PTGS1: variants seen among roughly 807,000 people sequenced by gnomAD.
PTGS1 encodes prostaglandin G/H synthase 1.
Under a neutral mutation model 63.0 loss-of-function variants are expected in PTGS1, and 40 were observed. The ratio of observed to expected loss-of-function variants is 0.63; its 90% CI spans 0.49 to 0.83. The LOEUF is 0.83. Among genes scored for constraint, PTGS1 ranks in the 40% least tolerant of loss-of-function variants. The pLI, the probability that PTGS1 is intolerant of heterozygous loss-of-function variation, is 0.00. For missense variants in PTGS1, 709 were observed against 786.5 expected (o/e 0.90, Z 1.18); for synonymous variants, 298 against 301.9 (o/e 0.99, Z 0.13).
At chr9:122,384,638 A>G (rs1837762253) in intron 8 of PTGS1, among the ~76,000 whole-genome samples, 1 of 152,146 alleles carries the variant, frequency 6.6e-6, no homozygotes, top group African/African-American at 2.4e-5. Flanking sequence ...CCCTGTGAAA[A>G]TCAAGATTCA....
chr9:122,380,577 A>G (rs183908308), intron 5 of PTGS1, among the ~76,000 whole-genome samples: 1 of 152,332 alleles, frequency 6.6e-6, no homozygotes, highest in African/African-American at 2.4e-5. Context: ...ATAAAGTTTT[A>G]TTGGAACACA....
At chr9:122,376,344 TTGTGTG>T (rs57350981) in intron 2 of PTGS1, among the ~76,000 whole-genome samples, 2,322 of 127,014 alleles carry the variant, frequency 0.018, 27 homozygotes, top group Middle Eastern at 0.024. Flanking sequence ...TGGTCCTTGC[TTGTGTG>T]TGTGTGTGTG....
rs1564133596 is a variant in PTGS1, at chr9:122,378,451, T to A, written c.230T>A (p.Leu77His). Residue 77 changes from leucine (L) to histidine (H), a missense_variant, in exon 4 of 11, where the codon CTC (leucine) becomes CAC (histidine). Transcript: ENST00000362012. ...CCTGCAGCTGGCCTGTGGACCTGGC[T>A]CCGGAATTCACTGCGGCCCAGCCCC... is the stretch of plus-strand genomic sequence containing the variant. ...NCTIPGLWTW[L>H]RNSLRPSPSF... 1 of 1,614,052 alleles carries A rather than the reference T, an allele frequency of 6.2e-7. No individual in the cohort carries two copies.
intron 2 of PTGS1, 87 bp downstream of exon 2, chr9:122,371,359 C>G: frequency 6.3e-7 from 1 of 1,576,654 alleles, no homozygotes; most frequent in East Asian, 2.3e-5. Context: ...TCCAGCGGGC[C>G]CAGCTTCCCC....
chr9:122,391,358 CAT>C (rs5900521), intron 10 of PTGS1, among the ~76,000 whole-genome samples: 33,916 of 103,808 alleles, frequency 0.33, 5,356 homozygotes, highest in African/African-American at 0.52. Context: ...TATATATATA[CAT>C]ATATATATAT....
intron 2 of PTGS1, among the ~76,000 whole-genome samples, chr9:122,374,435 C>A (rs946021028): frequency 6.6e-6 from 1 of 152,142 alleles, no homozygotes; most frequent in Non-Finnish European, 1.5e-5. Context: ...GAATGCACAG[C>A]CAGTAAGAGC....
Position 122,386,519 on chromosome 9 carries a change from C to A in PTGS1, c.1083C>A (p.Asp361Glu), listed in dbSNP as rs199941262. 1 of 1,614,174 alleles carries A rather than the reference C, an allele frequency of 6.2e-7. No individual in the cohort carries two copies. ...LSGYFLQLKFDPELLFGVQFQ... is the reference protein window; with the variant it reads ...LSGYFLQLKFEPELLFGVQFQ... Reference sequence around the variant, plus strand: ...GCTATTTCCTGCAGCTGAAATTTGACCCAGAGCTGCTGTTCGGTGTCCAGT... The same window carrying A: ...GCTATTTCCTGCAGCTGAAATTTGAACCAGAGCTGCTGTTCGGTGTCCAGT... Residue 361 changes from aspartate to glutamate, a missense_variant, in exon 9 of 11, where the codon GAC (aspartate) becomes GAA (glutamate). By Grantham distance (45) the Asp-to-Glu change is conservative. Transcript: ENST00000362012.
chr9:122,386,695 C>A lies in PTGS1; in HGVS notation c.1259C>A (p.Ala420Asp), dbSNP rs1477059027. The A allele has an allele frequency of 6.2e-7, 1 of 1,614,204 alleles. No homozygotes were observed. Among genetic ancestry groups the A allele is most frequent in the Admixed American group, 1.7e-5 (1 of 60,022 alleles). The change falls in exon 9 of 11, where the codon GCC becomes GAC. Residue 420 changes from alanine to aspartate, a missense_variant. Ala to Asp is a moderately radical substitution (Grantham distance 126). Coordinates refer to ENST00000362012, the MANE Select transcript of PTGS1 (RefSeq NM_000962.4). ...ATGTTGGTGGACTATGGGGTTGAGGCCCTGGTGGATGCCTTCTCTCGCCAG... is the reference window on the plus strand; with the variant it reads ...ATGTTGGTGGACTATGGGGTTGAGGACCTGGTGGATGCCTTCTCTCGCCAG... Reference protein sequence around the residue: ...TSMLVDYGVEALVDAFSRQIA... With the variant: ...TSMLVDYGVEDLVDAFSRQIA...
At position 122,386,671 on chromosome 9, in the gene PTGS1, T is replaced by C. The variant is rs1837894182; in HGVS notation, c.1235T>C (p.Met412Thr). Residue 412 changes from methionine (M) to threonine (T), a missense_variant, in exon 9 of 11, where the codon ATG (methionine) becomes ACG (threonine). Physicochemically the swap from Met to Thr is moderately conservative, Grantham distance 81 (BLOSUM62 -1). Transcript: ENST00000362012. ...SYEQFLFNTS[M>T]LVDYGVEALV... ...GAGCAGTTCTTGTTCAACACCTCCA[T>C]GTTGGTGGACTATGGGGTTGAGGCC... 6.2e-7 allele frequency: 1 copy of C among 1,614,074 alleles called. No homozygotes were observed. Among genetic ancestry groups the C allele is most frequent in the African/African-American group, 1.3e-5 (1 of 74,928 alleles).
intron 3 of PTGS1, 123 bp from the exon 4 acceptor site, chr9:122,378,310 C>T (rs933563913): frequency 2.2e-6 from 3 of 1,363,128 alleles, no homozygotes; most frequent in Non-Finnish European, 2.0e-6. Flanking sequence ...CATCCTTACC[C>T]ACTTCCCCAT....
At position 122,377,457 on chromosome 9, in the gene PTGS1, C is replaced by T. The variant is rs187677005; in HGVS notation, c.95-442C>T. 9.6e-3 allele frequency among the ~76,000 whole-genome samples: 1,461 copies of T among 152,002 alleles called. 23 individuals are homozygous for T. Among genetic ancestry groups the T allele is most frequent in the African/African-American group, 0.033 (1,376 of 41,356 alleles). ...GAAGTCCCCGTCCTCGTCCTCGTCC[C>T]TTTTCTGACCGCCCCCCCACCCCCC... On this transcript the variant is annotated intron_variant, in intron 2 of 10. Transcript: ENST00000362012.
chr9:122,375,749 G>T (rs1373612955), intron 2 of PTGS1, among the ~76,000 whole-genome samples: 1 of 152,128 alleles, frequency 6.6e-6, no homozygotes, highest in African/African-American at 2.4e-5. Flanking sequence ...TATTAAGGAG[G>T]CTAACAGCCT....
At chr9:122,390,419 A>G in intron 10 of PTGS1, 74 bp downstream of exon 10, 1 of 1,516,140 alleles carries the variant, frequency 6.6e-7, no homozygotes, top group Non-Finnish European at 9.0e-7. Context: ...CATCAAGGAA[A>G]TAGAACGGGA....
At chr9:122,378,412 T>C (rs1284988205) in intron 3 of PTGS1, 21 bp from the exon 4 acceptor site, 4 of 1,612,124 alleles carry the variant, frequency 2.5e-6, no homozygotes, top group Non-Finnish European at 3.4e-6. Flanking sequence ...ACCAACTGAG[T>C]GACTGCCATT....
rs1342648756 is a variant in PTGS1, at chr9:122,371,062, T to A, written c.-23T>A. On this transcript the variant is annotated 5_prime_UTR_variant, in exon 1 of 11. Transcript: ENST00000362012. ...CACGCACAGGAGCCTGCACTCTGCG[T>A]CCCGCACCCCAGCAGCCGCGCCATG... is the stretch of plus-strand genomic sequence containing the variant. 6.3e-7 allele frequency: 1 copy of A among 1,590,252 alleles called. No homozygotes were observed. Among genetic ancestry groups the A allele is most frequent in the African/African-American group, 1.3e-5 (1 of 74,822 alleles).
In PTGS1 at chr9:122,393,317, CT is replaced by C. The variant is rs1299352795; in HGVS notation, c.*777del. ...TTCTAAAGTTACCTGTTATATATCT[CT>C]TTTGGTCCCATCCTCTAAAGCAGAG... On this transcript the variant is annotated 3_prime_UTR_variant, in exon 11 of 11. Coordinates refer to ENST00000362012, the MANE Select transcript of PTGS1 (RefSeq NM_000962.4). 6.6e-6 allele frequency: 1 copy of C among 152,204 alleles called. No homozygotes were observed. The highest frequency in any genetic ancestry group is 1.9e-4 in the East Asian group (1 of 5,196). 9.4% of individuals were successfully genotyped at this position (152,204 alleles called of 1,614,324 possible). A position where few individuals can be genotyped will look rare whatever the true frequency, so the allele number is the denominator to read the frequency against.
chr9:122,375,669 G>C (rs934298524), intron 2 of PTGS1, among the ~76,000 whole-genome samples: 2 of 152,182 alleles, frequency 1.3e-5, no homozygotes, highest in Non-Finnish European at 2.9e-5. Context: ...AGTGGGAGGA[G>C]GGAGTGTGGA....
intron 3 of PTGS1, 103 bp downstream of exon 3, chr9:122,378,118 C>A (rs1018740016): frequency 8.8e-7 from 1 of 1,135,612 alleles, no homozygotes; most frequent in Non-Finnish European, 1.3e-6. Context: ...CTGACCATGG[C>A]CCTGTTCTCC....
At chr9:122,384,989 G>T (rs1411577699) in intron 8 of PTGS1, among the ~76,000 whole-genome samples, 1 of 152,142 alleles carries the variant, frequency 6.6e-6, no homozygotes, top group African/African-American at 2.4e-5. Context: ...ATGGAGTCTT[G>T]TTCTGTTGCC....
Sources: allele counts gnomAD v4.1 joint callset (sites outside exome capture counted in the v4.1 genomes callset), GRCh38; gene constraint gnomAD v4.1.1; transcripts MANE v1.5; gene names NCBI Gene and HGNC (gene_info 2026-07-23, HGNC 2026-07-21).